Variants in TCF12 observed in about 807,000 individuals in gnomAD.
TCF12 encodes DNA-binding protein HTF4.
TCF12 carries 45 observed loss-of-function variants against 86.0 expected under a neutral mutation model. The ratio of observed to expected loss-of-function variants is 0.52; its 90% CI spans 0.41 to 0.67. The LOEUF (loss-of-function observed/expected upper bound fraction) is 0.67, where lower values mean the gene tolerates loss of function less well. Among genes scored for constraint, TCF12 ranks in the 30% least tolerant of loss-of-function variants. The pLI, the probability that TCF12 is intolerant of heterozygous loss-of-function variation, is 0.00. For missense variants in TCF12, 881 were observed against 859.9 expected (o/e 1.02, Z -0.31); for synonymous variants, 330 against 299.6 (o/e 1.10, Z -1.05).
intron 5 of TCF12, among the ~76,000 whole-genome samples, chr15:57,145,992 G>T (rs2053332623): frequency 6.6e-6 from 1 of 152,152 alleles, no homozygotes; most frequent in East Asian, 1.9e-4. Context: ...TCATGGCCTT[G>T]CCTCTGATCT....
chr15:57,221,712 C>T (rs2058606588), intron 8 of TCF12, among the ~76,000 whole-genome samples: 1 of 152,022 alleles, frequency 6.6e-6, no homozygotes, highest in Non-Finnish European at 1.5e-5. Flanking sequence ...GCTTAGTCCT[C>T]CAAATCATAA....
In TCF12 at chr15:57,109,908, A is replaced by G. The variant is rs566899191; in HGVS notation, c.325+18017A>G. 2.5e-4 allele frequency among the ~76,000 whole-genome samples: 38 copies of G among 152,336 alleles called. 1 individual carries two copies. In the South Asian group the frequency reaches 3.7e-3, roughly 15 times the overall value. ...GAAAGCGTTAATTTGTGAGGGAACAAATTAAAGCGGTTAGAATTGCTGTGG... is the reference window on the plus strand; with the variant it reads ...GAAAGCGTTAATTTGTGAGGGAACAGATTAAAGCGGTTAGAATTGCTGTGG... On this transcript the variant is annotated intron_variant, in intron 5 of 20. Coordinates refer to ENST00000333725, the MANE Select transcript of TCF12 (RefSeq NM_207037.2).
chr15:57,210,617 G>T (rs187476642), intron 8 of TCF12, among the ~76,000 whole-genome samples: 1 of 152,102 alleles, frequency 6.6e-6, no homozygotes, highest in African/African-American at 2.4e-5. Flanking sequence ...TTAGAGTATC[G>T]TGTTCTTTTA....
At chr15:57,223,162 A>G (rs768063505) in intron 8 of TCF12, among the ~76,000 whole-genome samples, 28 of 151,968 alleles carry the variant, frequency 1.8e-4, no homozygotes, top group Admixed American at 3.9e-4. Context: ...CATTTTATAA[A>G]TAAGGAAAAT....
chr15:57,230,684 T>C (rs1424909811), intron 8 of TCF12, among the ~76,000 whole-genome samples: 1 of 152,110 alleles, frequency 6.6e-6, no homozygotes. Context: ...CCCTTAATAG[T>C]AACAAAGATA....
At chr15:56,998,811 G>C (rs1030807636) in intron 3 of TCF12, among the ~76,000 whole-genome samples, 1 of 152,030 alleles carries the variant, frequency 6.6e-6, no homozygotes, top group Admixed American at 6.6e-5. Context: ...AAATTTAAAA[G>C]AATTGAACTT....
At chr15:57,106,556 T>A (rs1481057226) in intron 5 of TCF12, among the ~76,000 whole-genome samples, 6 of 152,208 alleles carry the variant, frequency 3.9e-5, no homozygotes, top group Admixed American at 3.9e-4. Context: ...CTTCACTGCA[T>A]ACGCTTTTGT....
chr15:57,234,750 A>G (rs566309581), intron 12 of TCF12, among the ~76,000 whole-genome samples: 6 of 152,340 alleles, frequency 3.9e-5, no homozygotes, highest in Non-Finnish European at 7.4e-5. Flanking sequence ...CAAAACTAGA[A>G]GGGAGAGCAG....
intron 3 of TCF12, among the ~76,000 whole-genome samples, chr15:57,005,249 A>G (rs765790314): frequency 2.0e-5 from 3 of 152,242 alleles, no homozygotes; most frequent in Non-Finnish European, 4.4e-5. Context: ...AACAAAGTTA[A>G]ATTGATTTCC....
chr15:56,935,950 A>G (rs1262853982), intron 3 of TCF12, among the ~76,000 whole-genome samples: 1 of 152,152 alleles, frequency 6.6e-6, no homozygotes. Context: ...AATTGCTATA[A>G]ACGTGTGTGC....
At chr15:57,247,541 G>A (rs2059919850) in intron 13 of TCF12, 2 of 921,430 alleles carry the variant, frequency 2.2e-6, no homozygotes, top group African/African-American at 1.6e-5. Flanking sequence ...AGTTATAAAA[G>A]CAAATCCTGT....
intron 5 of TCF12, among the ~76,000 whole-genome samples, chr15:57,155,900 A>T (rs2054080044): frequency 6.6e-6 from 1 of 152,188 alleles, no homozygotes; most frequent in African/African-American, 2.4e-5. Flanking sequence ...TTACCATTTG[A>T]TGGCTATTTA....
intron 4 of TCF12, among the ~76,000 whole-genome samples, chr15:57,087,807 T>G (rs937471919): frequency 6.6e-6 from 1 of 152,202 alleles, no homozygotes; most frequent in Non-Finnish European, 1.5e-5. Context: ...TTTGGAAATA[T>G]TTTGGTGTTC....
intron 3 of TCF12, among the ~76,000 whole-genome samples, chr15:56,935,321 C>T (rs911214527): frequency 6.6e-6 from 1 of 152,102 alleles, no homozygotes; most frequent in Admixed American, 6.6e-5. Flanking sequence ...GTTTTGGAGG[C>T]TAAAAGCCTG....
intron 6 of TCF12, among the ~76,000 whole-genome samples, chr15:57,178,374 A>G (rs141698810): frequency 8.5e-5 from 13 of 152,294 alleles, no homozygotes; most frequent in African/African-American, 3.1e-4. Flanking sequence ...ATGCCTAACT[A>G]TATGTCTAAT....
chr15:57,125,721 A>G (rs1486460831), intron 5 of TCF12, among the ~76,000 whole-genome samples: 1 of 152,092 alleles, frequency 6.6e-6, no homozygotes, highest in Non-Finnish European at 1.5e-5. Context: ...CTGTACTTAA[A>G]TTTTTTTCTG....
chr15:57,050,061 G>C (rs2067507167), intron 3 of TCF12, among the ~76,000 whole-genome samples: 1 of 152,122 alleles, frequency 6.6e-6, no homozygotes, highest in Non-Finnish European at 1.5e-5. Context: ...GGAGCTTATA[G>C]TTTACTATGT....
rs139577244 is a variant in TCF12 at position 56,931,360 on chromosome 15, G to A, written c.148+10262G>A. On this transcript the variant is annotated intron_variant, in intron 3 of 20. Transcript: ENST00000333725. The stretch of plus-strand genomic sequence containing the variant: ...GCTGATATTTCTCTGGTCAGTTAAA[G>A]CATGCAGAGAAATTTTCAGGGTAAA... 4.1e-3 allele frequency among the ~76,000 whole-genome samples: 627 copies of A among 152,240 alleles called. 5 individuals are homozygous for A. Among genetic ancestry groups the A allele is most frequent in the African/African-American group, 0.015 (606 of 41,542 alleles).
At chr15:57,109,397 A>G (rs563855336) in intron 5 of TCF12, 1 of 152,248 alleles carries the variant, frequency 6.6e-6, no homozygotes, top group Non-Finnish European at 1.5e-5. Context: ...CCCATAAGGC[A>G]GTTAGAAGTC....
Sources: gnomAD v4.1 joint callset for allele counts (sites outside exome capture counted in the v4.1 genomes callset) on GRCh38, gnomAD v4.1.1 for gene constraint, MANE v1.5 for transcripts, NCBI Gene and HGNC (gene_info 2026-07-23, HGNC 2026-07-21) for gene names.